Variants in KDM4C observed in about 807,000 individuals in gnomAD.
KDM4C encodes the protein lysine-specific demethylase 4C.
A neutral mutation model predicts 129.3 loss-of-function variants in KDM4C; 81 were observed. The ratio of observed to expected loss-of-function variants is 0.63; its 90% CI spans 0.52 to 0.75. The LOEUF is 0.75. KDM4C is among the 30% of genes least tolerant of loss of function. The pLI, the probability that KDM4C is intolerant of heterozygous loss-of-function variation, is 0.00. For synonymous variants in KDM4C, 573 were observed against 456.1 expected, an observed-to-expected ratio of 1.26 and a Z score of -3.26; for missense variants, 1,457 against 1,304.0, an observed-to-expected ratio of 1.12 and a Z score of -1.81.
intron 17 of KDM4C, among the ~76,000 whole-genome samples, chr9:7,087,228 A>C (rs1835233536): frequency 6.6e-6 from 1 of 151,988 alleles, no homozygotes; most frequent in Admixed American, 6.6e-5. Flanking sequence ...AAGAGACATT[A>C]CTGCAACAAA....
At chr9:6,787,648 G>GC (rs1284517000) in intron 1 of KDM4C, among the ~76,000 whole-genome samples, 4 of 152,200 alleles carry the variant, frequency 2.6e-5, no homozygotes, top group African/African-American at 9.6e-5. Flanking sequence ...ATTTCCCTCT[G>GC]CCCATCATGG....
At chr9:6,854,555 A>C (rs1334256423) in intron 5 of KDM4C, among the ~76,000 whole-genome samples, 3 of 151,452 alleles carry the variant, frequency 2.0e-5, no homozygotes, top group African/African-American at 7.3e-5. Flanking sequence ...ACAAAAAAAA[A>C]ACTAACTTTC....
intron 18 of KDM4C, among the ~76,000 whole-genome samples, chr9:7,115,934 T>A (rs7862329): frequency 0.45 from 68,041 of 151,884 alleles, 15,541 homozygotes; most frequent in East Asian, 0.74. Flanking sequence ...TTCTTCACCA[T>A]TGCCAGTCAG....
intron 4 of KDM4C, among the ~76,000 whole-genome samples, chr9:6,825,454 T>G (rs916196448): frequency 6.6e-6 from 1 of 152,204 alleles, no homozygotes; most frequent in Non-Finnish European, 1.5e-5. Context: ...GCAAGGTAAC[T>G]GTGTTCTATC....
At chr9:6,770,689 G>C (rs977420322) in intron 1 of KDM4C, among the ~76,000 whole-genome samples, 1 of 118,034 alleles carries the variant, frequency 8.5e-6, no homozygotes, top group African/African-American at 3.1e-5. Context: ...TCAGATTATT[G>C]TGTTTGATGT....
At chr9:6,848,300 G>T (rs1435674991) in intron 4 of KDM4C, among the ~76,000 whole-genome samples, 1 of 152,184 alleles carries the variant, frequency 6.6e-6, no homozygotes, top group Non-Finnish European at 1.5e-5. Flanking sequence ...CTGATATTTA[G>T]AATTTGATAA....
At chr9:6,841,010 G>C (rs766796626) in intron 4 of KDM4C, among the ~76,000 whole-genome samples, 1 of 152,206 alleles carries the variant, frequency 6.6e-6, no homozygotes, top group Non-Finnish European at 1.5e-5. Flanking sequence ...AAGAAAGACT[G>C]TAGTCCTGCC....
intron 17 of KDM4C, among the ~76,000 whole-genome samples, chr9:7,050,951 A>G (rs1830075901): frequency 6.6e-6 from 1 of 152,166 alleles, no homozygotes; most frequent in East Asian, 1.9e-4. Flanking sequence ...TGCATATCAC[A>G]TTTCTCATGG....
chr9:7,163,568 C>G (rs1305823170), intron 19 of KDM4C, among the ~76,000 whole-genome samples: 2 of 152,148 alleles, frequency 1.3e-5, no homozygotes, highest in African/African-American at 4.8e-5. Context: ...CACACTTACC[C>G]CAGCACCTGG....
intron 8 of KDM4C, among the ~76,000 whole-genome samples, chr9:6,952,451 G>GT (rs1828337368): frequency 6.7e-6 from 1 of 149,842 alleles, no homozygotes; most frequent in Non-Finnish European, 1.5e-5. Flanking sequence ...ATTATTATAT[G>GT]TTTTTTTGAG....
chr9:6,786,151 CAG>C (rs1440052482), intron 1 of KDM4C, among the ~76,000 whole-genome samples: 1 of 144,864 alleles, frequency 6.9e-6, no homozygotes, highest in East Asian at 2.0e-4. Context: ...GTCAGAAACA[CAG>C]GTGTAGACAG....
chr9:6,907,511 G>T (rs1297641091), intron 8 of KDM4C, among the ~76,000 whole-genome samples: 1 of 152,162 alleles, frequency 6.6e-6, no homozygotes, highest in East Asian at 1.9e-4. Flanking sequence ...ACATAGCAGA[G>T]ATGTTTTAAA....
intron 12 of KDM4C, among the ~76,000 whole-genome samples, chr9:7,011,260 C>A (rs1822636583): frequency 6.6e-6 from 1 of 152,046 alleles, no homozygotes; most frequent in South Asian, 2.1e-4. Context: ...TTTATTGAGC[C>A]ATGTACTATG....
At chr9:6,739,999 C>A (rs989689134) in intron 1 of KDM4C, among the ~76,000 whole-genome samples, 1 of 151,880 alleles carries the variant, frequency 6.6e-6, no homozygotes, top group Non-Finnish European at 1.5e-5. Flanking sequence ...AAGTGATTCT[C>A]CTGCCTCAGT....
At chr9:6,836,866 T>C (rs544477998) in intron 4 of KDM4C, among the ~76,000 whole-genome samples, 1 of 151,824 alleles carries the variant, frequency 6.6e-6, no homozygotes, top group East Asian at 1.9e-4. Context: ...ATTTTCTTTC[T>C]TTTTTTTTAA....
At chr9:6,968,349 ATTAC>A (rs1303247434) in intron 8 of KDM4C, among the ~76,000 whole-genome samples, 5 of 152,164 alleles carry the variant, frequency 3.3e-5, no homozygotes, top group African/African-American at 1.2e-4. Context: ...AATGCCATCA[ATTAC>A]TTGCCATTGA....
At chr9:6,987,039 C>G (rs2146792) in intron 11 of KDM4C, among the ~76,000 whole-genome samples, 84,348 of 151,972 alleles carry the variant, frequency 0.56, 23,899 homozygotes, top group South Asian at 0.73. Flanking sequence ...AACTATAGTA[C>G]AAAGTCACAA....
In KDM4C at chr9:6,986,630, C is replaced by G. The variant is rs756333537; in HGVS notation, c.1641C>G (p.Val547=). The G allele has an allele frequency of 3.7e-6, 6 of 1,612,906 alleles. No homozygotes were observed. In the South Asian group the frequency reaches 4.4e-5, roughly 12 times the overall value. The change falls in exon 11 of 22, where the codon GTC becomes GTG. Residue 547 remains valine, a synonymous_variant. Transcript: ENST00000381309. ...NGLEPGEIPA[V]PSGERNSFKV... ...TTGAACCTGGGGAAATCCCAGCGGT[C>G]CCCAGTGGAGAGAGAAATAGCTTCA...
intron 2 of KDM4C, among the ~76,000 whole-genome samples, chr9:6,801,546 C>G (rs958549333): frequency 6.7e-6 from 1 of 150,078 alleles, no homozygotes; most frequent in African/African-American, 2.4e-5. Context: ...CTGACCTTGT[C>G]TCTTAAAAAA....
Sources: allele counts gnomAD v4.1 joint callset (sites outside exome capture counted in the v4.1 genomes callset), GRCh38; gene constraint gnomAD v4.1.1; transcripts MANE v1.5; gene names NCBI Gene and HGNC (gene_info 2026-07-23, HGNC 2026-07-21).